Variants in TIMMDC1 observed in about 807,000 individuals in gnomAD.
TIMMDC1 encodes the protein complex I assembly factor TIMMDC1, mitochondrial.
A neutral mutation model predicts 32.6 loss-of-function variants in TIMMDC1; 25 were observed. That is an observed-to-expected ratio of 0.77 (90% CI 0.56 to 1.07). TIMMDC1 has a LOEUF of 1.07. Ranked by LOEUF, TIMMDC1 falls within the 50% of genes least tolerant of loss-of-function variation. The pLI is 0.00. For synonymous variants in TIMMDC1, 130 were observed against 127.6 expected (o/e 1.02, Z -0.13); for missense variants, 329 against 349.2 (o/e 0.94, Z 0.46).
chr3:119,503,542 A>G lies in TIMMDC1; in HGVS notation c.371A>G (p.His124Arg), dbSNP rs1486525003. The change falls in exon 3 of 7, where the codon CAT (histidine) becomes CGT (arginine). Residue 124 changes from histidine (H) to arginine (R), a missense_variant. Transcript: ENST00000494664. Reference protein sequence around the residue: ...HNRFDAVQSAHRAATRGFIRY... With the variant: ...HNRFDAVQSARRAATRGFIRY... ...TTTAATTAACTTTAGCAATCTGCAC[A>G]TCGTGCTGCCACACGAGGCTTCATT... 3 of 1,608,254 alleles carry G rather than the reference A, an allele frequency of 1.9e-6. No homozygotes were observed. The highest frequency in any genetic ancestry group is 2.5e-6 in the Non-Finnish European group (3 of 1,178,340).
At chr3:119,520,966 CAG>C (rs920736494) in intron 6 of TIMMDC1, among the ~76,000 whole-genome samples, 1 of 151,916 alleles carries the variant, frequency 6.6e-6, no homozygotes, top group African/African-American at 2.4e-5. Flanking sequence ...ATCATATAAA[CAG>C]AAGGAAGGAA....
At chr3:119,519,492 A>G (rs2082009276) in intron 6 of TIMMDC1, among the ~76,000 whole-genome samples, 1 of 152,098 alleles carries the variant, frequency 6.6e-6, no homozygotes, top group South Asian at 2.1e-4. Flanking sequence ...CTTTAAATAA[A>G]AAACTATAAA....
At chr3:119,510,870 C>T (rs2081948006) in intron 4 of TIMMDC1, among the ~76,000 whole-genome samples, 1 of 152,126 alleles carries the variant, frequency 6.6e-6, no homozygotes. Context: ...ACAAGTTGAC[C>T]TTTGGACAAC....
At chr3:119,514,328 C>T (rs1389679304) in intron 5 of TIMMDC1, among the ~76,000 whole-genome samples, 1 of 152,108 alleles carries the variant, frequency 6.6e-6, no homozygotes, top group Non-Finnish European at 1.5e-5. Flanking sequence ...GAATATATTT[C>T]TTTTTCTTTC....
Position 119,498,680 on chromosome 3 carries a change from G to A in TIMMDC1, c.-54G>A. On this transcript the variant is annotated 5_prime_UTR_variant, in exon 1 of 7. Transcript: ENST00000494664. The stretch of plus-strand genomic sequence containing the variant: ...AGTTACGCTCTCCCGCGGCACGTCC[G>A]CGAGGACTTGAAGTCCTGAGCGCTC... The A allele has an allele frequency of 6.4e-7, 1 of 1,556,672 alleles. No individual in the cohort carries two copies. Among genetic ancestry groups the A allele is most frequent in the Admixed American group, 1.7e-5 (1 of 58,474 alleles).
chr3:119,499,020 A>G, intron 1 of TIMMDC1, 93 bp downstream of exon 1: 1 of 941,746 alleles, frequency 1.1e-6, no homozygotes, highest in South Asian at 1.5e-5. Context: ...GACACCAAGG[A>G]TGGTGTGCTT....
intron 6 of TIMMDC1, among the ~76,000 whole-genome samples, chr3:119,523,241 C>G (rs1053020900): frequency 5.3e-5 from 8 of 152,200 alleles, no homozygotes; most frequent in African/African-American, 7.2e-5. Context: ...AGGGTACTTA[C>G]ATTCCCCCAG....
chr3:119,517,059 G>A (rs1433361407), intron 5 of TIMMDC1, 146 bp from the exon 6 acceptor site: 3 of 482,856 alleles, frequency 6.2e-6, no homozygotes, highest in Non-Finnish European at 1.1e-5. Flanking sequence ...TTCTTTATTT[G>A]ACAAGGACAC....
At chr3:119,502,821 A>G (rs2081889252) in intron 2 of TIMMDC1, among the ~76,000 whole-genome samples, 2 of 152,080 alleles carry the variant, frequency 1.3e-5, no homozygotes. Flanking sequence ...TTGCCTCCCA[A>G]AGTGCTGAGA....
chr3:119,522,965 A>G (rs2082038645), intron 6 of TIMMDC1, among the ~76,000 whole-genome samples: 1 of 152,238 alleles, frequency 6.6e-6, no homozygotes, highest in African/African-American at 2.4e-5. Flanking sequence ...CAGAAAATGT[A>G]GAAAACTGAC....
chr3:119,498,582 A>G lies in TIMMDC1; in HGVS notation c.-152A>G, dbSNP rs1223115951. The G allele has an allele frequency of 4.3e-6, 3 of 695,254 alleles. No individual in the cohort carries two copies. The highest frequency in any genetic ancestry group is 2.6e-5 in the East Asian group (1 of 38,298). The allele number at this position is 695,254 out of a possible 1,614,324, so 43.1% of individuals were successfully genotyped here. A position where few individuals can be genotyped will look rare whatever the true frequency, so the allele number is the denominator to read the frequency against. ...CAAGGACTCCAAAGCGAGGCCGGGG[A>G]CTGAAGGTGTGGGTGTCGAGCCCTC... On this transcript the variant is annotated 5_prime_UTR_variant, in exon 1 of 7. Transcript: ENST00000494664.
intron 5 of TIMMDC1, among the ~76,000 whole-genome samples, chr3:119,516,254 C>T (rs1560049315): frequency 6.6e-6 from 1 of 151,628 alleles, no homozygotes; most frequent in Non-Finnish European, 1.5e-5. Context: ...TTCCCCTCCC[C>T]ATACCCTCCA....
Position 119,523,631 on chromosome 3 carries a change from C to T in TIMMDC1, c.733C>T (p.His245Tyr), listed in dbSNP as rs1328016383. 2 of 1,609,886 alleles carry T rather than the reference C, an allele frequency of 1.2e-6. No homozygotes were observed. Among genetic ancestry groups the T allele is most frequent in the African/African-American group, 1.3e-5 (1 of 74,698 alleles). The change falls in exon 7 of 7, where the codon CAC (histidine) becomes TAC (tyrosine). Residue 245 changes from histidine (H) to tyrosine (Y), a missense_variant. His to Tyr is a moderately conservative substitution (Grantham distance 83, BLOSUM62 2). Coordinates refer to ENST00000494664, the MANE Select transcript of TIMMDC1 (RefSeq NM_016589.4). ...GAAAGGCAGACTACAAGTTACTGAG[C>T]ACCTCCCTGAGAAAATTGAAAGTAG... The part of the protein sequence containing the change: ...EWKGRLQVTE[H>Y]LPEKIESSLQ...
intron 6 of TIMMDC1, among the ~76,000 whole-genome samples, chr3:119,521,193 T>A (rs987581507): frequency 6.6e-6 from 1 of 152,108 alleles, no homozygotes; most frequent in African/African-American, 2.4e-5. Context: ...GAATGCCCAC[T>A]CTTACCAGTC....
rs2081894382 is a variant in TIMMDC1, at chr3:119,503,537, T to A, written c.366T>A (p.Ser122=). The change falls in exon 3 of 7, where the codon TCT becomes TCA. Residue 122 remains serine, a synonymous_variant. Transcript: ENST00000494664. ...IYHNRFDAVQ[S]AHRAATRGFI... is the part of the protein sequence containing the mutation. The stretch of plus-strand genomic sequence containing the variant: ...AGTTTTTTAATTAACTTTAGCAATC[T>A]GCACATCGTGCTGCCACACGAGGCT... 1 of 1,606,014 alleles carries A rather than the reference T, an allele frequency of 6.2e-7. No homozygotes were observed. The highest frequency in any genetic ancestry group is 1.3e-5 in the African/African-American group (1 of 74,494).
rs765975200 is a variant in TIMMDC1, at chr3:119,503,577, T to C, written c.406T>C (p.Trp136Arg). 6.2e-7 allele frequency: 1 copy of C among 1,612,550 alleles called. No individual in the cohort carries two copies. The highest frequency in any genetic ancestry group is 1.7e-5 in the Admixed American group (1 of 59,652). Residue 136 changes from tryptophan (W) to arginine (R), a missense_variant, in exon 3 of 7, where the codon TGG becomes CGG. Coordinates refer to ENST00000494664, the MANE Select transcript of TIMMDC1 (RefSeq NM_016589.4). ...CACACGAGGCTTCATTCGTTATGGCTGGCGCTGGGGTTGGAGAACTGCAGT... is the reference window on the plus strand; with the variant it reads ...CACACGAGGCTTCATTCGTTATGGCCGGCGCTGGGGTTGGAGAACTGCAGT... ...AATRGFIRYG[W>R]RWGWRTAVFV... is the part of the protein sequence containing the mutation.
chr3:119,507,661 T>G (rs934331133), intron 4 of TIMMDC1, among the ~76,000 whole-genome samples: 10 of 152,206 alleles, frequency 6.6e-5, no homozygotes, highest in African/African-American at 1.7e-4. Context: ...TGGTGCTTAC[T>G]CTCTTAGTTT....
In TIMMDC1 at chr3:119,504,028, C is replaced by A. The variant is rs771269890; in HGVS notation, c.517+7C>A. 1 of 1,603,826 alleles carries A rather than the reference C, an allele frequency of 6.2e-7. No individual in the cohort carries two copies. Among genetic ancestry groups the A allele is most frequent in the Non-Finnish European group, 8.5e-7 (1 of 1,171,038 alleles). ...CATTTTGTAATTGCAGGAGGTAAGA[C>A]ATTTTTGTTTATATTTTTCAGTCTT... is the stretch of plus-strand genomic sequence containing the variant. On this transcript the variant is annotated splice_region_variant and intron_variant, in intron 4 of 6. Coordinates refer to ENST00000494664, the MANE Select transcript of TIMMDC1 (RefSeq NM_016589.4).
Position 119,523,793 on chromosome 3 carries a change from GGGA to G in TIMMDC1, c.*39_*41del. 1 of 1,547,694 alleles carries G rather than the reference GGGA, an allele frequency of 6.5e-7. No homozygotes were observed. The highest frequency in any genetic ancestry group is 2.3e-5 in the East Asian group (1 of 43,648). On this transcript the variant is annotated 3_prime_UTR_variant, in exon 7 of 7. Coordinates refer to ENST00000494664, the MANE Select transcript of TIMMDC1 (RefSeq NM_016589.4). ...ACTTGAAACTCACTGGAGAGCTGAA[GGGA>G]GCTGCCATGTCCGATGAATGCCAAC...
Sources: allele counts gnomAD v4.1 joint callset (sites outside exome capture counted in the v4.1 genomes callset), GRCh38; gene constraint gnomAD v4.1.1; transcripts MANE v1.5; gene names NCBI Gene and HGNC (gene_info 2026-07-23, HGNC 2026-07-21).